The following KANSL1L variants were observed in gnomAD, a reference collection of about 807,000 sequenced individuals.
The protein encoded by KANSL1L is KAT8 regulatory NSL complex subunit 1-like protein.
In KANSL1L, 25 loss-of-function variants were observed where a neutral mutation model predicts 108.6. That is an observed-to-expected ratio of 0.23 (90% CI 0.17 to 0.32). The LOEUF is 0.32. KANSL1L is among the 10% of genes least tolerant of loss of function. KANSL1L has a pLI of 1.00. For missense variants in KANSL1L, 1,137 were observed against 1,125.7 expected (o/e 1.01, Z -0.14); for synonymous variants, 405 against 395.1 (o/e 1.03, Z -0.30).
At chr2:210,029,682 T>A (rs942342472) in intron 10 of KANSL1L, 121 bp downstream of exon 10, 19 of 483,650 alleles carry the variant, frequency 3.9e-5, no homozygotes, top group Non-Finnish European at 4.4e-5. Flanking sequence ...AAGATAGTTA[T>A]AAATGTCTGT....
intron 5 of KANSL1L, among the ~76,000 whole-genome samples, chr2:210,083,938 T>C (rs1156282348): frequency 6.6e-6 from 1 of 151,658 alleles, no homozygotes; most frequent in African/African-American, 2.4e-5. Flanking sequence ...TCTCAAATGA[T>C]CAAATAGATC....
intron 5 of KANSL1L, among the ~76,000 whole-genome samples, chr2:210,079,350 C>A (rs528140042): frequency 6.6e-6 from 1 of 151,584 alleles, no homozygotes; most frequent in Non-Finnish European, 1.5e-5. Context: ...AATTCCAGCA[C>A]TTTGGGAGGC....
At chr2:210,172,633 G>C (rs996621312), upstream of KANSL1L, among the ~76,000 whole-genome samples, 1 of 152,118 alleles carries the variant, frequency 6.6e-6, no homozygotes, top group Non-Finnish European at 1.5e-5. Flanking sequence ...TACTTTCATT[G>C]TAATAAAAAT....
intron 5 of KANSL1L, chr2:210,088,717 A>T (rs962887893): frequency 6.6e-6 from 1 of 152,378 alleles, no homozygotes; most frequent in African/African-American, 2.4e-5. Flanking sequence ...TTGGCTTGTT[A>T]CCTGTAACTG....
In KANSL1L at chr2:210,044,589, G is replaced by GT. The variant is rs929122376; in HGVS notation, c.1756-486dup. On this transcript the variant is annotated intron_variant, in intron 6 of 14. Coordinates refer to ENST00000281772, the MANE Select transcript of KANSL1L (RefSeq NM_152519.4). This position sits in a 1 kb window ranked among gnomAD's most constrained non-coding sequence, Gnocchi z 4.2. ...AAGAATGATATGGATTGCAGGGTTTGTTTTTTTTTGGGGGGGGTATGGTTC... is the reference window on the plus strand; with the variant it reads ...AAGAATGATATGGATTGCAGGGTTTGTTTTTTTTTTGGGGGGGGTATGGTTC... 2.4e-4 allele frequency among the ~76,000 whole-genome samples: 36 copies of GT among 148,132 alleles called. No homozygotes were observed. Among genetic ancestry groups the GT allele is most frequent in the East Asian group, 9.9e-4 (5 of 5,044 alleles).
intron 2 of KANSL1L, among the ~76,000 whole-genome samples, chr2:210,138,772 A>G (rs893770803): frequency 1.3e-5 from 2 of 152,130 alleles, no homozygotes; most frequent in African/African-American, 2.4e-5. Context: ...AACATTTTTT[A>G]TGGTAACAAC....
chr2:210,153,368 A>T (rs1442485838), intron 2 of KANSL1L, 127 bp downstream of exon 2: 3 of 585,030 alleles, frequency 5.1e-6, no homozygotes, highest in South Asian at 2.8e-5. Context: ...ATAAAAATTA[A>T]AAAAAAAAAA....
chr2:210,130,040 A>C (rs1313643493), intron 2 of KANSL1L, among the ~76,000 whole-genome samples: 1 of 151,918 alleles, frequency 6.6e-6, no homozygotes, highest in African/African-American at 2.4e-5. Context: ...GTAGGACAAC[A>C]ATGACTTAAT....
At chr2:210,119,682 T>C (rs558122709) in intron 3 of KANSL1L, among the ~76,000 whole-genome samples, 4 of 152,204 alleles carry the variant, frequency 2.6e-5, no homozygotes, top group Admixed American at 1.3e-4. Context: ...TAAAGGAACT[T>C]ACCTCAACAC....
At chr2:210,089,448 A>G (rs2094671172) in intron 5 of KANSL1L, among the ~76,000 whole-genome samples, 1 of 152,220 alleles carries the variant, frequency 6.6e-6, no homozygotes. Context: ...TTGAAAAAAT[A>G]GAATTCCTTA....
At chr2:210,043,788 A>G in intron 7 of KANSL1L, 151 bp downstream of exon 7, 1 of 475,944 alleles carries the variant, frequency 2.1e-6, no homozygotes, top group Middle Eastern at 5.2e-4. Flanking sequence ...TAATTCCTCT[A>G]CAACAAATTT....
chr2:210,087,873 C>T (rs779632404), intron 5 of KANSL1L, among the ~76,000 whole-genome samples: 2 of 152,064 alleles, frequency 1.3e-5, no homozygotes, highest in East Asian at 1.9e-4. Flanking sequence ...GGGATTGAAC[C>T]GTGATCTAAT....
chr2:210,075,574 G>C lies in KANSL1L; in HGVS notation c.1733C>G (p.Pro578Arg). 1 of 1,613,718 alleles carries C rather than the reference G, an allele frequency of 6.2e-7. No homozygotes were observed. Among genetic ancestry groups the C allele is most frequent in the African/African-American group, 1.3e-5 (1 of 75,030 alleles). The change falls in exon 6 of 15, where the codon CCT becomes CGT. Residue 578 changes from proline (P) to arginine (R), a missense_variant. Coordinates refer to ENST00000281772, the MANE Select transcript of KANSL1L (RefSeq NM_152519.4). ...FHKRKLYRLS[P>R]TFYWTPQTLP... ...TACCTGTGGAGTCCAATAAAAAGTAGGGCTCAATCTGTACAGTTTTCGTTT... is the reference window on the plus strand; with the variant it reads ...TACCTGTGGAGTCCAATAAAAAGTACGGCTCAATCTGTACAGTTTTCGTTT...
At chr2:210,023,578 C>T (rs2125108102) in intron 14 of KANSL1L, among the ~76,000 whole-genome samples, 1 of 152,150 alleles carries the variant, frequency 6.6e-6, no homozygotes, top group East Asian at 1.9e-4. Flanking sequence ...ATCTCCATTC[C>T]ATTCTAGATC....
intron 3 of KANSL1L, among the ~76,000 whole-genome samples, chr2:210,119,786 C>T (rs150257762): frequency 0.012 from 1,763 of 152,206 alleles, 13 homozygotes; most frequent in Middle Eastern, 0.041. Flanking sequence ...CCCACTTTTA[C>T]CACTGTCATT....
chr2:210,094,254 T>C (rs2094717027), intron 5 of KANSL1L, among the ~76,000 whole-genome samples: 1 of 152,166 alleles, frequency 6.6e-6, no homozygotes, highest in Admixed American at 6.5e-5. Context: ...CTTATGAGTT[T>C]TCTTACCTGC....
At chr2:210,028,403 C>CTTTTT (rs397872290) in intron 11 of KANSL1L, 18 of 85,964 alleles carry the variant, frequency 2.1e-4, no homozygotes, top group Non-Finnish European at 2.9e-4. Flanking sequence ...GCATCAAAAT[C>CTTTTT]TTTTTTTTTT....
At chr2:210,122,841 GAA>G (rs34412653) in intron 3 of KANSL1L, among the ~76,000 whole-genome samples, 2 of 149,548 alleles carry the variant, frequency 1.3e-5, no homozygotes, top group African/African-American at 4.9e-5. Context: ...CAAATCAATA[GAA>G]AAAAAAAATC....
chr2:210,113,516 C>T (rs1412117700), intron 3 of KANSL1L, among the ~76,000 whole-genome samples: 2 of 148,584 alleles, frequency 1.3e-5, no homozygotes, highest in Non-Finnish European at 3.0e-5. Flanking sequence ...CCAAAAACAA[C>T]AAAAAAAACA....
Sources: gnomAD v4.1 joint callset for allele counts (sites outside exome capture counted in the v4.1 genomes callset) on GRCh38, gnomAD v4.1.1 for gene constraint, Gnocchi (gnomAD v3.1) non-coding constraint, MANE v1.5 for transcripts, NCBI Gene and HGNC (gene_info 2026-07-23, HGNC 2026-07-21) for gene names.